The following BEST3 variants were observed in gnomAD, a reference collection of about 807,000 sequenced individuals.
The protein encoded by BEST3 is bestrophin-3.
BEST3 carries 50 observed loss-of-function variants against 47.1 expected under a neutral mutation model. That is an observed-to-expected ratio of 1.06 (90% CI 0.85 to 1.34). The LOEUF (loss-of-function observed/expected upper bound fraction) is 1.34. Ranked by LOEUF, BEST3 falls within the 40% of genes most tolerant of loss-of-function variation. The pLI is 0.00. For synonymous variants in BEST3, 282 were observed against 298.8 expected (o/e 0.94, Z 0.58); for missense variants, 765 against 817.0 (o/e 0.94, Z 0.78).
At chr12:69,659,113 G>T (rs1262283877) in intron 9 of BEST3, among the ~76,000 whole-genome samples, 1 of 152,092 alleles carries the variant, frequency 6.6e-6, no homozygotes, top group African/African-American at 2.4e-5. Context: ...GTGCTCTGGG[G>T]GGCAGTTTTA....
At chr12:69,691,706 C>T (rs938509765) in intron 4 of BEST3, among the ~76,000 whole-genome samples, 9 of 152,096 alleles carry the variant, frequency 5.9e-5, no homozygotes, top group South Asian at 2.1e-4. Flanking sequence ...GCAGGGGAAT[C>T]GCTTGAACCC....
downstream of BEST3, among the ~76,000 whole-genome samples, chr12:69,648,863 G>C (rs556227229): frequency 6.6e-6 from 1 of 152,264 alleles, no homozygotes; most frequent in Admixed American, 6.5e-5. Flanking sequence ...TCTACATAAA[G>C]TACCAAATTA....
intron 9 of BEST3, among the ~76,000 whole-genome samples, chr12:69,658,126 C>T (rs983756291): frequency 6.6e-6 from 1 of 152,126 alleles, no homozygotes; most frequent in Non-Finnish European, 1.5e-5. Flanking sequence ...GACAAGCTGG[C>T]AATCTCTCTA....
Position 69,654,957 on chromosome 12 carries a change from C to T in BEST3, c.1957G>A (p.Glu653Lys). 6.2e-7 allele frequency: 1 copy of T among 1,614,022 alleles called. No homozygotes were observed. The highest frequency in any genetic ancestry group is 2.2e-5 in the East Asian group (1 of 44,878). ...LYLMENLDTK[E>K]TDIIELNKET... ...TTGTTCAGCTCTATGATATCTGTTT[C>T]CTTGGTGTCCAGGTTTTCCATTAAA... Residue 653 changes from glutamate (E) to lysine (K), a missense_variant, in exon 10 of 10, where the codon GAA becomes AAA. Physicochemically the swap from Glu to Lys is moderately conservative, Grantham distance 56. Transcript: ENST00000330891.
chr12:69,688,654 G>A (rs1477190525), intron 4 of BEST3, among the ~76,000 whole-genome samples: 1 of 152,176 alleles, frequency 6.6e-6, no homozygotes, highest in East Asian at 1.9e-4. Context: ...TCAGAAGGAG[G>A]TGCTGGTCCT....
At chr12:69,648,651 T>C (rs1883115184), downstream of BEST3, among the ~76,000 whole-genome samples, 1 of 152,272 alleles carries the variant, frequency 6.6e-6, no homozygotes, top group Admixed American at 6.5e-5. Flanking sequence ...TTTAGCGGAA[T>C]GCCTGACACT....
chr12:69,653,522 T>C (rs996330899), downstream of BEST3: 1 of 613,522 alleles, frequency 1.6e-6, no homozygotes, highest in South Asian at 7.1e-5. Context: ...TAAAGCCTGT[T>C]TCTCTCGTCT....
intron 1 of BEST3, 99 bp from the exon 2 acceptor site, chr12:69,697,912 A>T: frequency 2.3e-6 from 2 of 888,224 alleles, no homozygotes; most frequent in Non-Finnish European, 3.4e-6. Flanking sequence ...GCCAGCAACT[A>T]GTCAGCCATA....
chr12:69,676,522 A>G (rs935333194), intron 7 of BEST3, among the ~76,000 whole-genome samples: 2 of 152,214 alleles, frequency 1.3e-5, no homozygotes, highest in African/African-American at 2.4e-5. Context: ...CCAAGATTCT[A>G]CTACAATATT....
chr12:69,689,084 C>T, intron 4 of BEST3: 3 of 985,498 alleles, frequency 3.0e-6, no homozygotes, highest in Non-Finnish European at 3.6e-6. Flanking sequence ...CCTCTCTGCC[C>T]TCAGGCAGGA....
rs143479731 is a variant in BEST3, at chr12:69,661,870, G to T, written c.1101-6057C>A. Among the ~76,000 whole-genome samples, 639 of 152,244 alleles carry T rather than the reference G, an allele frequency of 4.2e-3. 4 individuals are homozygous for T. The highest frequency in any genetic ancestry group is 0.015 in the African/African-American group (622 of 41,548). On this transcript the variant is annotated intron_variant, in intron 9 of 9. Transcript: ENST00000330891. ...TTGAACCAAGGGCTTTGGCAAATCT[G>T]GTTGAAGAAGTGGCCTCTTGTGCCT...
chr12:69,654,548 G>A lies in BEST3; in HGVS notation c.*359C>T. 2.0e-6 allele frequency: 2 copies of A among 1,009,472 alleles called. No individual in the cohort carries two copies. The highest frequency in any genetic ancestry group is 5.3e-5 in the Admixed American group (1 of 18,818). The allele number at this position is 1,009,472 out of a possible 1,614,324, so 62.5% of individuals were successfully genotyped here. A position where few individuals can be genotyped will look rare whatever the true frequency, so the allele number is the denominator to read the frequency against. The stretch of plus-strand genomic sequence containing the variant: ...GAACCCTGCGTGTCTGGGCCTTTGG[G>A]TCTAGGGGATTGGACTATGATCTAT... On this transcript the variant is annotated 3_prime_UTR_variant, in exon 10 of 10. Coordinates refer to ENST00000330891, the MANE Select transcript of BEST3 (RefSeq NM_032735.3).
In BEST3 at chr12:69,667,114, A is replaced by G. The variant is rs193191093; in HGVS notation, c.1100+4314T>C. ...CCTTACCTGGCCTATAAAACCCTCCATCTTCTCCCTTGCCTCCTCTCCAGA... is the reference window on the plus strand; with the variant it reads ...CCTTACCTGGCCTATAAAACCCTCCGTCTTCTCCCTTGCCTCCTCTCCAGA... On this transcript the variant is annotated intron_variant, in intron 9 of 9. Transcript: ENST00000330891. Among the ~76,000 whole-genome samples, 350 of 152,072 alleles carry G rather than the reference A, an allele frequency of 2.3e-3. 2 individuals carry two copies. Among genetic ancestry groups the G allele is most frequent in the African/African-American group, 7.6e-3 (317 of 41,486 alleles).
In BEST3 at chr12:69,655,244, G is replaced by A. The variant is rs770934497; in HGVS notation, c.1670C>T (p.Thr557Ile). The change falls in exon 10 of 10, where the codon ACA (threonine) becomes ATA (isoleucine). Residue 557 changes from threonine (T) to isoleucine (I), a missense_variant. By Grantham distance (89) the Thr-to-Ile change is moderately conservative. Transcript: ENST00000330891. ...CTGGGGACTGGGGCCTCCAGGAGGT[G>A]TCTCCTTCTCTGAGGGAGACAGGAT... ...GSILSPSEKE[T>I]PPGGPSPQTV... 1.2e-6 allele frequency: 2 copies of A among 1,614,182 alleles called. No individual in the cohort carries two copies. The highest frequency in any genetic ancestry group is 2.2e-5 in the South Asian group (2 of 91,084).
At chr12:69,694,300 T>A in intron 3 of BEST3, 70 bp downstream of exon 3, 1 of 947,104 alleles carries the variant, frequency 1.1e-6, no homozygotes, top group South Asian at 1.7e-5. Context: ...AACACTCCCA[T>A]GCAGAGTCAT....
At chr12:69,648,580 C>A (rs1883112040) in intron 9 of BEST3, among the ~76,000 whole-genome samples, 1 of 152,120 alleles carries the variant, frequency 6.6e-6, no homozygotes, top group Non-Finnish European at 1.5e-5. Context: ...TCAGGACCTG[C>A]AGAGAGAGTG....
intron 9 of BEST3, chr12:69,670,575 T>C: frequency 1.4e-6 from 1 of 702,228 alleles, no homozygotes; most frequent in South Asian, 1.5e-5. Context: ...TGAAGCGAGA[T>C]CTCCTGAAAG....
chr12:69,655,182 A>C lies in BEST3; in HGVS notation c.1732T>G (p.Cys578Gly). Residue 578 changes from cysteine to glycine, a missense_variant, in exon 10 of 10, where the codon TGT becomes GGT. By Grantham distance (159) the Cys-to-Gly change is radical. Coordinates refer to ENST00000330891, the MANE Select transcript of BEST3 (RefSeq NM_032735.3). ...AAGGTATCACCAGGGTCTTCTTCAC[A>C]GTTGAATATATTTTCCTCAGCGCTG... ...SASAEENIFNCEEDPGDTFLK... is the reference protein window; with the variant it reads ...SASAEENIFNGEEDPGDTFLK... The C allele has an allele frequency of 1.2e-6, 2 of 1,614,116 alleles. No individual in the cohort carries two copies. Among genetic ancestry groups the C allele is most frequent in the Non-Finnish European group, 1.7e-6 (2 of 1,180,014 alleles).
chr12:69,665,919 C>T (rs371544626), intron 9 of BEST3, among the ~76,000 whole-genome samples: 2 of 151,984 alleles, frequency 1.3e-5, no homozygotes, highest in Non-Finnish European at 1.5e-5. Flanking sequence ...AAGATAAAGG[C>T]GGGTGGAGAA....
Sources: allele counts gnomAD v4.1 joint callset (sites outside exome capture counted in the v4.1 genomes callset), GRCh38; gene constraint gnomAD v4.1.1; transcripts MANE v1.5; gene names NCBI Gene and HGNC (gene_info 2026-07-23, HGNC 2026-07-21).